Variants in CSMD1 observed in about 807,000 individuals in gnomAD.
The protein encoded by CSMD1 is CUB and Sushi multiple domains 1.
In CSMD1, 213 loss-of-function variants were observed where a neutral mutation model predicts 417.5. That is an observed-to-expected ratio of 0.51 (90% CI 0.46 to 0.57). The LOEUF is 0.57. Among genes scored for constraint, CSMD1 ranks in the 20% least tolerant of loss-of-function variants. The pLI is 0.00. For synonymous variants in CSMD1, 2,862 were observed against 1,736.8 expected (o/e 1.65, Z -16.11); for missense variants, 6,923 against 4,529.7 (o/e 1.53, Z -15.17).
chr8:3,741,613 A>C (rs143011541), intron 6 of CSMD1, among the ~76,000 whole-genome samples: 1 of 152,356 alleles, frequency 6.6e-6, no homozygotes, highest in East Asian at 1.9e-4. Context: ...TATTCAGTGC[A>C]AATAGTGCAG....
chr8:4,848,159 T>G (rs1347487053), intron 1 of CSMD1, among the ~76,000 whole-genome samples: 1 of 152,250 alleles, frequency 6.6e-6, no homozygotes, highest in Non-Finnish European at 1.5e-5. Context: ...TACTTCATTC[T>G]TGGTCTGGCT....
chr8:4,553,728 T>A (rs1210047044), intron 2 of CSMD1, among the ~76,000 whole-genome samples: 1 of 152,234 alleles, frequency 6.6e-6, no homozygotes, highest in Non-Finnish European at 1.5e-5. Flanking sequence ...CTCATGGCAA[T>A]GCTATTAGTG....
intron 3 of CSMD1, among the ~76,000 whole-genome samples, chr8:4,147,715 G>A (rs1185015579): frequency 1.3e-5 from 2 of 152,132 alleles, no homozygotes; most frequent in Admixed American, 6.5e-5. Context: ...GGTTTCAGAT[G>A]CAGACACTGA....
At chr8:3,906,947 G>A (rs1458895525) in intron 5 of CSMD1, among the ~76,000 whole-genome samples, 2 of 152,138 alleles carry the variant, frequency 1.3e-5, no homozygotes, top group African/African-American at 2.4e-5. Context: ...GAGTACTGCT[G>A]GGTAATACCA....
At chr8:3,499,598 C>G (rs963584090) in intron 10 of CSMD1, among the ~76,000 whole-genome samples, 1 of 152,056 alleles carries the variant, frequency 6.6e-6, no homozygotes, top group Non-Finnish European at 1.5e-5. Flanking sequence ...TAGTGTGCCT[C>G]AAGAATTCAG....
intron 6 of CSMD1, among the ~76,000 whole-genome samples, chr8:3,746,405 T>A (rs1584937525): frequency 6.6e-6 from 1 of 152,254 alleles, no homozygotes; most frequent in Non-Finnish European, 1.5e-5. Flanking sequence ...AATTATCCAA[T>A]GTCAACCACA....
intron 1 of CSMD1, among the ~76,000 whole-genome samples, chr8:4,647,814 C>T (rs1803633701): frequency 6.6e-6 from 1 of 152,188 alleles, no homozygotes; most frequent in Non-Finnish European, 1.5e-5. Context: ...TCCAGTCTAT[C>T]ACTGATGGGC....
At chr8:3,846,926 T>G (rs560698583) in intron 5 of CSMD1, among the ~76,000 whole-genome samples, 1 of 152,300 alleles carries the variant, frequency 6.6e-6, no homozygotes, top group East Asian at 1.9e-4. Context: ...CCACCCGCCC[T>G]GGCCTCCCAA....
intron 3 of CSMD1, among the ~76,000 whole-genome samples, chr8:4,216,608 C>G (rs1275534100): frequency 6.6e-6 from 1 of 152,168 alleles, no homozygotes; most frequent in Admixed American, 6.5e-5. Flanking sequence ...GCTGAGGACA[C>G]CGTGAAGTGT....
At chr8:3,090,185 C>T (rs7820127) in intron 48 of CSMD1, among the ~76,000 whole-genome samples, 75,038 of 151,252 alleles carry the variant, frequency 0.5, 19,101 homozygotes, top group East Asian at 0.67. Context: ...GGCGCGGTGG[C>T]GGGCGCCTGT....
At chr8:3,114,419 T>A (rs1387187770) in intron 42 of CSMD1, among the ~76,000 whole-genome samples, 1 of 150,116 alleles carries the variant, frequency 6.7e-6, no homozygotes, top group East Asian at 1.9e-4. Flanking sequence ...GGCATAAATA[T>A]GAATATAAAA....
intron 3 of CSMD1, among the ~76,000 whole-genome samples, chr8:4,260,017 T>C (rs965337764): frequency 4.0e-5 from 3 of 75,776 alleles, no homozygotes; most frequent in Non-Finnish European, 8.4e-5. Flanking sequence ...CATGTCTTCT[T>C]GTGCACACTT....
At chr8:3,722,103 G>A (rs1802212008) in intron 6 of CSMD1, among the ~76,000 whole-genome samples, 2 of 152,148 alleles carry the variant, frequency 1.3e-5, no homozygotes, top group Admixed American at 6.5e-5. Context: ...AGCACTTTGG[G>A]AGGCCGAGGC....
chr8:3,962,959 T>A (rs1424717822), intron 5 of CSMD1, among the ~76,000 whole-genome samples: 1 of 152,202 alleles, frequency 6.6e-6, no homozygotes, highest in Admixed American at 6.5e-5. Context: ...GTTTTTTAGA[T>A]GGACTCTTGC....
intron 4 of CSMD1, among the ~76,000 whole-genome samples, chr8:4,011,588 T>A (rs1816538358): frequency 6.6e-6 from 1 of 152,166 alleles, no homozygotes; most frequent in Non-Finnish European, 1.5e-5. Context: ...CTAGGATTCA[T>A]CTCACTCAAG....
chr8:3,534,041 A>T (rs1453324735), intron 10 of CSMD1, among the ~76,000 whole-genome samples: 1 of 152,196 alleles, frequency 6.6e-6, no homozygotes, highest in Non-Finnish European at 1.5e-5. Context: ...AATAAAAGTC[A>T]TTGCTTGAAG....
rs139026586 is a variant in CSMD1, at chr8:3,931,697, T to C, written c.818+66206A>G. Among the ~76,000 whole-genome samples the C allele has an allele frequency of 1.1e-3, 169 of 149,244 alleles. 7 individuals carry two copies. The highest frequency in any genetic ancestry group is 4.0e-3 in the African/African-American group (162 of 40,392). On this transcript the variant is annotated intron_variant, in intron 5 of 69. Transcript: ENST00000635120. Reference sequence around the variant, plus strand: ...AAACAAACAAACAACAAAAGGACTATAGTTTAGAAGAAGGACAGCATTACA... The same window carrying C: ...AAACAAACAAACAACAAAAGGACTACAGTTTAGAAGAAGGACAGCATTACA...
chr8:4,207,385 C>T (rs1047774934), intron 3 of CSMD1, among the ~76,000 whole-genome samples: 1 of 152,092 alleles, frequency 6.6e-6, no homozygotes, highest in Non-Finnish European at 1.5e-5. Flanking sequence ...TTCACACACT[C>T]ATGGAAGATT....
At chr8:4,305,374 G>T (rs932482523) in intron 3 of CSMD1, among the ~76,000 whole-genome samples, 1 of 152,116 alleles carries the variant, frequency 6.6e-6, no homozygotes, top group Non-Finnish European at 1.5e-5. Context: ...GGGCTTGCAG[G>T]GATAGAGCAA....
Sources: allele counts gnomAD v4.1 joint callset (sites outside exome capture counted in the v4.1 genomes callset), GRCh38; gene constraint gnomAD v4.1.1; transcripts MANE v1.5; gene names NCBI Gene and HGNC (gene_info 2026-07-23, HGNC 2026-07-21).